The following ANKRD30A variants were observed in gnomAD, a reference collection of about 807,000 sequenced individuals.
ANKRD30A encodes the protein ankyrin repeat domain-containing protein 30A.
ANKRD30A carries 170 observed loss-of-function variants against 166.3 expected under a neutral mutation model. That is an observed-to-expected ratio of 1.02 (90% confidence interval 0.90 to 1.16). The LOEUF is 1.16. ANKRD30A is among the 50% of genes most tolerant of loss of function. The pLI is 0.00. For synonymous variants in ANKRD30A, 564 were observed against 508.9 expected (o/e 1.11, Z -1.46); for missense variants, 1,630 against 1,518.0 (o/e 1.07, Z -1.23).
At chr10:37,250,689 T>C in the ANKRD30A span, among the ~76,000 whole-genome samples, 1 of 152,084 alleles carries the variant, frequency 6.6e-6, no homozygotes, top group East Asian at 1.9e-4. Context: ...TCCAGAGAGC[T>C]TATTGCCCCC....
rs199848126 is a variant in ANKRD30A at position 37,193,190 on chromosome 10, C to T, written c.2546C>T (p.Pro849Leu). The T allele has an allele frequency of 2.5e-6, 4 of 1,606,546 alleles. No individual in the cohort carries two copies. Among genetic ancestry groups the T allele is most frequent in the Non-Finnish European group, 3.4e-6 (4 of 1,177,138 alleles). ...SPDNDGFLKA[P>L]CRMKVSIPTK... ...TTTGTTTCTAAACCCATTTAGGCTCCCTGCAGAATGAAAGTTTCTATTCCA... is the reference window on the plus strand; with the variant it reads ...TTTGTTTCTAAACCCATTTAGGCTCTCTGCAGAATGAAAGTTTCTATTCCA... Residue 849 changes from proline to leucine, a missense_variant, in exon 27 of 36, where the codon CCC becomes CTC. By Grantham distance (98) the Pro-to-Leu change is moderately conservative (BLOSUM62 -3). Coordinates refer to ENST00000361713, the MANE Select transcript of ANKRD30A (RefSeq NM_052997.3).
At chr10:37,260,092 C>T in the ANKRD30A span, among the ~76,000 whole-genome samples, 1 of 150,412 alleles carries the variant, frequency 6.6e-6, no homozygotes, top group African/African-American at 2.5e-5. Context: ...TTGTACTATT[C>T]TTTCCTTTTG....
chr10:37,143,356 A>G (rs1837287454), intron 7 of ANKRD30A, among the ~76,000 whole-genome samples: 1 of 152,156 alleles, frequency 6.6e-6, no homozygotes, highest in African/African-American at 2.4e-5. Context: ...AAAGTGACAG[A>G]TAGGGAATAT....
At chr10:37,250,242 G>A in the ANKRD30A span, among the ~76,000 whole-genome samples, 1 of 152,222 alleles carries the variant, frequency 6.6e-6, no homozygotes, top group South Asian at 2.1e-4. Context: ...ACATAGTTTA[G>A]TAAGTTCAGG....
At chr10:37,198,503 A>T (rs1238000693) in intron 29 of ANKRD30A, among the ~76,000 whole-genome samples, 1 of 152,048 alleles carries the variant, frequency 6.6e-6, no homozygotes, top group East Asian at 1.9e-4. Flanking sequence ...TTTTTTGGTT[A>T]TTAGAAATTA....
chr10:37,152,154 A>C (rs1185184488), intron 12 of ANKRD30A, 33 bp downstream of exon 12: 1 of 1,507,804 alleles, frequency 6.6e-7, no homozygotes, highest in Non-Finnish European at 9.2e-7. Flanking sequence ...TTTTAATATT[A>C]GTATTGCATG....
At chr10:37,203,330 G>T (rs970567944) in intron 31 of ANKRD30A, among the ~76,000 whole-genome samples, 4 of 152,060 alleles carry the variant, frequency 2.6e-5, no homozygotes, top group Non-Finnish European at 4.4e-5. Context: ...GCTGGTTCAA[G>T]ATATGCAAAT....
intron 1 of ANKRD30A, among the ~76,000 whole-genome samples, chr10:37,128,562 TA>T: frequency 6.6e-6 from 1 of 151,984 alleles, no homozygotes. Context: ...ATTAGAAAAA[TA>T]AAAGAGCAAA....
chr10:37,147,467 A>AT lies in ANKRD30A; in HGVS notation c.1543+16dup, dbSNP rs1302159242. The AT allele has an allele frequency of 2.6e-6, 4 of 1,532,738 alleles. No individual in the cohort carries two copies. The highest frequency in any genetic ancestry group is 8.9e-7 in the Non-Finnish European group (1 of 1,127,326). 94.9% of individuals were successfully genotyped at this position (1,532,738 alleles called of 1,614,324 possible). ...AATAGAGAAGTAGAAGGTAAGAACG[A>AT]TTTTTTATTTGAAAAGTCTTTTAAC... On this transcript the variant is annotated intron_variant, in intron 9 of 35. Coordinates refer to ENST00000361713, the MANE Select transcript of ANKRD30A (RefSeq NM_052997.3).
At chr10:37,147,895 C>T (rs796830035) in intron 9 of ANKRD30A, among the ~76,000 whole-genome samples, 3 of 141,934 alleles carry the variant, frequency 2.1e-5, no homozygotes, top group Non-Finnish European at 3.2e-5. Context: ...AAAACTTGTC[C>T]GAAAATTATA....
At position 37,201,630 on chromosome 10, in the gene ANKRD30A, C is replaced by G. The variant is rs531818724; in HGVS notation, c.2869+305C>G. ...TGAAGACTGAGAAAGACAGAGCGTA[C>G]AGAGAGTACATGAAGGAACAAGAAT... On this transcript the variant is annotated intron_variant, in intron 31 of 35. Coordinates refer to ENST00000361713, the MANE Select transcript of ANKRD30A (RefSeq NM_052997.3). Among the ~76,000 whole-genome samples the G allele has an allele frequency of 3.3e-5, 5 of 151,972 alleles. No individual in the cohort carries two copies. In the East Asian group the frequency reaches 7.7e-4, roughly 23 times the overall value.
At chr10:37,157,094 A>G (rs1388378276) in intron 13 of ANKRD30A, among the ~76,000 whole-genome samples, 1 of 152,182 alleles carries the variant, frequency 6.6e-6, no homozygotes, top group Non-Finnish European at 1.5e-5. Context: ...GTGATTAAAC[A>G]TGTTTGATTA....
chr10:37,140,319 T>C (rs574328078), intron 6 of ANKRD30A, among the ~76,000 whole-genome samples: 7 of 152,106 alleles, frequency 4.6e-5, no homozygotes, highest in African/African-American at 1.4e-4. Context: ...AAAAAGTAAC[T>C]ATCTTTAGAA....
At chr10:37,155,429 T>G (rs1365025882) in intron 13 of ANKRD30A, among the ~76,000 whole-genome samples, 1 of 152,186 alleles carries the variant, frequency 6.6e-6, no homozygotes, top group African/African-American at 2.4e-5. Context: ...AATTACACTT[T>G]CACTGATGAG....
At chr10:37,158,887 C>CTG (rs560301967) in intron 15 of ANKRD30A, among the ~76,000 whole-genome samples, 430 of 152,242 alleles carry the variant, frequency 2.8e-3, no homozygotes, top group Non-Finnish European at 3.0e-3. Context: ...AATTTTGAGA[C>CTG]TGAAATATTT....
At chr10:37,133,808 C>T in intron 4 of ANKRD30A, 108 bp from the exon 5 acceptor site, 1 of 1,336,288 alleles carries the variant, frequency 7.5e-7, no homozygotes, top group African/African-American at 1.5e-5. Flanking sequence ...CTTGAGCACT[C>T]AAGATACTTA....
intron 13 of ANKRD30A, among the ~76,000 whole-genome samples, chr10:37,156,222 A>G (rs1388564421): frequency 6.6e-6 from 1 of 152,158 alleles, no homozygotes; most frequent in Non-Finnish European, 1.5e-5. Context: ...TTCATGCTAT[A>G]CTAGAAATTA....
At chr10:37,238,650 A>G in the ANKRD30A span, among the ~76,000 whole-genome samples, 1 of 152,218 alleles carries the variant, frequency 6.6e-6, no homozygotes, top group Non-Finnish European at 1.5e-5. Context: ...TAAACAGGCT[A>G]TAAAGAAGTA....
Position 37,219,498 on chromosome 10 carries a change from C to T in ANKRD30A, c.3786C>T (p.Ser1262=), listed in dbSNP as rs770124528. ...PLSEAQRKSK[S]LKINLNYAGD... ...CTGAAGCTCAAAGGAAATCCAAAAG[C>T]CTAAAAATTAATCTCAATTATGCAG... Residue 1262 remains serine (S), a synonymous_variant, in exon 34 of 36, where the codon AGC becomes AGT. Coordinates refer to ENST00000361713, the MANE Select transcript of ANKRD30A (RefSeq NM_052997.3). The T allele has an allele frequency of 3.7e-6, 6 of 1,609,988 alleles. No homozygotes were observed. In the African/African-American group the frequency reaches 6.7e-5, roughly 18 times the overall value.
Sources: allele counts gnomAD v4.1 joint callset (sites outside exome capture counted in the v4.1 genomes callset), GRCh38; gene constraint gnomAD v4.1.1; transcripts MANE v1.5; gene names NCBI Gene and HGNC (gene_info 2026-07-23, HGNC 2026-07-21).